The following NIBAN2 variants were observed in gnomAD, a reference collection of about 807,000 sequenced individuals.
NIBAN2 encodes niban apoptosis regulator 2, also known as protein Niban 2.
In NIBAN2, 36 loss-of-function variants were observed where a neutral mutation model predicts 81.8. The ratio of observed to expected loss-of-function variants is 0.44; its 90% CI spans 0.34 to 0.58. The LOEUF (loss-of-function observed/expected upper bound fraction) is 0.58, where lower values mean the gene tolerates loss of function less well. NIBAN2 is among the 20% of genes least tolerant of loss of function. The pLI is 0.02. For missense variants in NIBAN2, 897 were observed against 1,014.1 expected (o/e 0.88, Z 1.57); for synonymous variants, 445 against 441.6 (o/e 1.01, Z -0.10).
chr9:127,521,737 A>C (rs977379210), intron 5 of NIBAN2, among the ~76,000 whole-genome samples: 1 of 152,124 alleles, frequency 6.6e-6, no homozygotes, highest in Non-Finnish European at 1.5e-5. Flanking sequence ...CCTTCCTGGC[A>C]CAGGACACCC....
At position 127,507,048 on chromosome 9, in the gene NIBAN2, C is replaced by A; in HGVS notation, c.2038G>T (p.Glu680Ter). 2 of 1,582,770 alleles carry A rather than the reference C, an allele frequency of 1.3e-6. No individual in the cohort carries two copies. Among genetic ancestry groups the A allele is most frequent in the African/African-American group, 1.3e-5 (1 of 74,406 alleles). ...GPLLNGAPAG[E>*]SPQPKAAPEA... The stretch of plus-strand genomic sequence containing the variant: ...GGGGCGGCCTTAGGCTGGGGACTCT[C>A]CCCAGCGGGGGCCCCGTTGAGCAGG... The change falls in exon 14 of 14, where the codon GAG becomes TAG. Residue 680 changes from glutamate to a stop codon, truncating the protein, a stop_gained. Coordinates refer to ENST00000373312, the MANE Select transcript of NIBAN2 (RefSeq NM_022833.4). LOFTEE classifies it high-confidence loss of function. This position sits in a 1 kb window ranked among gnomAD's most constrained non-coding sequence, Gnocchi z 6.8.
chr9:127,572,584 G>A (rs1837961230), upstream of NIBAN2, among the ~76,000 whole-genome samples: 1 of 152,120 alleles, frequency 6.6e-6, no homozygotes, highest in African/African-American at 2.4e-5. Context: ...TGGCAAGAAG[G>A]AGCCTGCTTG....
At position 127,578,625 on chromosome 9, in the gene NIBAN2, G is replaced by A. The variant is rs995654999; in HGVS notation, c.16+297C>T. On this transcript the variant is annotated intron_variant, in intron 1 of 13. Coordinates refer to the NIBAN2 transcript ENST00000373314. ...TGCAGTGAGAGTGAGGCGAGATCTC[G>A]CCATTGCAGTCCAGCCGGGGTGACA... Among the ~76,000 whole-genome samples the A allele has an allele frequency of 1.3e-4, 20 of 151,304 alleles. No homozygotes were observed. The East Asian group carries it at 3.5e-3, about 26-fold the overall frequency.
In NIBAN2 at chr9:127,507,380, A is replaced by G. The variant is rs1336017958; in HGVS notation, c.1706T>C (p.Met569Thr). The G allele has an allele frequency of 6.6e-7, 1 of 1,524,756 alleles. No homozygotes were observed. Among genetic ancestry groups the G allele is most frequent in the African/African-American group, 1.4e-5 (1 of 72,002 alleles). The allele number at this position is 1,524,756 out of a possible 1,614,324, so 94.5% of individuals were successfully genotyped here. A position where few individuals can be genotyped will look rare whatever the true frequency, so the allele number is the denominator to read the frequency against. ...GTTGGGGTCGCTGTTGTGCATGACCATGCTGTCCCGGTAGAGGTTGTGCTT... is the reference window on the plus strand; with the variant it reads ...GTTGGGGTCGCTGTTGTGCATGACCGTGCTGTCCCGGTAGAGGTTGTGCTT... ...QRKHNLYRDS[M>T]VMHNSDPNLH... The change falls in exon 14 of 14, where the codon ATG becomes ACG. Residue 569 changes from methionine to threonine, a missense_variant. Met to Thr is a moderately conservative substitution (Grantham distance 81, BLOSUM62 -1). Coordinates refer to ENST00000373312, the MANE Select transcript of NIBAN2 (RefSeq NM_022833.4). The surrounding 1 kb of genome is among the most constrained non-coding windows in gnomAD (Gnocchi z 6.8).
chr9:127,557,122 A>T (rs1331525789), intron 1 of NIBAN2, among the ~76,000 whole-genome samples: 5 of 152,190 alleles, frequency 3.3e-5, no homozygotes, highest in African/African-American at 1.2e-4. Flanking sequence ...CTACAGGTAC[A>T]CACGGGTGGC....
intron 1 of NIBAN2, chr9:127,578,778 GC>G: frequency 1.4e-6 from 1 of 711,712 alleles, no homozygotes; most frequent in Non-Finnish European, 2.3e-6. Flanking sequence ...GATCCCTTGA[GC>G]CCAGGAGTTT....
intron 3 of NIBAN2, 37 bp from the exon 4 acceptor site, chr9:127,525,200 G>T: frequency 6.4e-7 from 1 of 1,556,026 alleles, no homozygotes. Flanking sequence ...TGAGGGTTAA[G>T]GTGCGGCCAA....
At chr9:127,547,563 C>T (rs1406608746) in intron 1 of NIBAN2, among the ~76,000 whole-genome samples, 3 of 147,268 alleles carry the variant, frequency 2.0e-5, no homozygotes, top group Admixed American at 6.7e-5. Flanking sequence ...CACCACCGGG[C>T]ACGGTGGCTC....
intron 1 of NIBAN2, among the ~76,000 whole-genome samples, chr9:127,557,369 G>A (rs1369541180): frequency 6.6e-6 from 1 of 152,170 alleles, no homozygotes; most frequent in Non-Finnish European, 1.5e-5. Flanking sequence ...ACTGAGGCTT[G>A]GAGGAGAGGC....
rs28767901 is a variant in NIBAN2 at position 127,515,545 on chromosome 9, A to C, written c.973+1312T>G. 2.9e-4 allele frequency among the ~76,000 whole-genome samples: 4 copies of C among 13,570 alleles called. 1 individual carries two copies. Among genetic ancestry groups the C allele is most frequent in the Admixed American group, 1.1e-3 (1 of 944 alleles). The allele number at this position is 13,570 out of a possible 152,430, so 8.9% of individuals were successfully genotyped here. A position where few individuals can be genotyped will look rare whatever the true frequency, so the allele number is the denominator to read the frequency against. On this transcript the variant is annotated intron_variant, in intron 8 of 13. Coordinates refer to ENST00000373312, the MANE Select transcript of NIBAN2 (RefSeq NM_022833.4). ...CAAAAAAAAAAAAAAAAAAACAAAC[A>C]AAAAAAACAGGCCAGGCACAGTGGC...
In NIBAN2 at chr9:127,507,852, C is replaced by G. The variant is rs199532440; in HGVS notation, c.1654+15G>C. ...ATCCTCCTGGCAACAGTCCCCACCC[C>G]GGGACGGCACCCACCCTGCAGGATG... is the stretch of plus-strand genomic sequence containing the variant. On this transcript the variant is annotated intron_variant, in intron 13 of 13. Transcript: ENST00000373312. This position sits in a 1 kb window ranked among gnomAD's most constrained non-coding sequence, Gnocchi z 6.8. 9,291 of 1,612,108 alleles carry G rather than the reference C, an allele frequency of 5.8e-3. 33 individuals are homozygous for G. The highest frequency in any genetic ancestry group is 6.0e-3 in the Non-Finnish European group (7,017 of 1,178,294).
At chr9:127,530,889 G>A (rs1278508899) in intron 2 of NIBAN2, among the ~76,000 whole-genome samples, 1 of 152,060 alleles carries the variant, frequency 6.6e-6, no homozygotes, top group Non-Finnish European at 1.5e-5. Flanking sequence ...ATTCAGAAGT[G>A]GGAAGGAGGC....
At chr9:127,551,509 C>T (rs542780307) in intron 1 of NIBAN2, among the ~76,000 whole-genome samples, 3 of 149,478 alleles carry the variant, frequency 2.0e-5, no homozygotes, top group Non-Finnish European at 3.0e-5. Context: ...GGCAACAGAG[C>T]GAGACTCTGT....
chr9:127,533,398 A>G (rs1330042861), intron 1 of NIBAN2, among the ~76,000 whole-genome samples: 1 of 152,246 alleles, frequency 6.6e-6, no homozygotes, highest in Non-Finnish European at 1.5e-5. Context: ...CGGAGCTTGC[A>G]GTGAGCCGAG....
At chr9:127,546,060 G>A (rs1483160436) in intron 1 of NIBAN2, among the ~76,000 whole-genome samples, 1 of 152,144 alleles carries the variant, frequency 6.6e-6, no homozygotes, top group Non-Finnish European at 1.5e-5. Context: ...TCCAGGGGGT[G>A]GGCACCCAAG....
intron 1 of NIBAN2, among the ~76,000 whole-genome samples, chr9:127,574,740 G>A (rs944483510): frequency 6.6e-6 from 1 of 152,186 alleles, no homozygotes; most frequent in Non-Finnish European, 1.5e-5. Context: ...GGAATATCAT[G>A]TATCTACCTC....
chr9:127,540,816 C>T (rs1837364306), intron 1 of NIBAN2, among the ~76,000 whole-genome samples: 1 of 152,256 alleles, frequency 6.6e-6, no homozygotes, highest in African/African-American at 2.4e-5. Flanking sequence ...GGCGCTGTGC[C>T]AGACCCGTTC....
At chr9:127,514,527 G>C (rs965932941) in intron 8 of NIBAN2, among the ~76,000 whole-genome samples, 1 of 152,174 alleles carries the variant, frequency 6.6e-6, no homozygotes, top group Non-Finnish European at 1.5e-5. Context: ...GCTAGAAGTA[G>C]ACAAAAACTC....
chr9:127,520,740 C>T (rs1836922543), intron 5 of NIBAN2, among the ~76,000 whole-genome samples: 1 of 151,910 alleles, frequency 6.6e-6, no homozygotes, highest in South Asian at 2.1e-4. Context: ...AAAAATTAGC[C>T]AGGTGTGGTG....
Sources: gnomAD v4.1 joint callset for allele counts (sites outside exome capture counted in the v4.1 genomes callset) on GRCh38, gnomAD v4.1.1 for gene constraint, Gnocchi (gnomAD v3.1) non-coding constraint, MANE v1.5 for transcripts, NCBI Gene and HGNC (gene_info 2026-07-23, HGNC 2026-07-21) for gene names.